UBR1: variants seen among roughly 807,000 people sequenced by gnomAD.
UBR1 encodes E3 ubiquitin-protein ligase UBR1.
Under a neutral mutation model 242.1 loss-of-function variants are expected in UBR1, and 102 were observed. That is an observed-to-expected ratio of 0.42 (90% CI 0.36 to 0.50). UBR1 has a LOEUF of 0.50. Among genes scored for constraint, UBR1 ranks in the 20% least tolerant of loss-of-function variants. The probability of loss-of-function intolerance (pLI) is 0.01; values close to 1 mark genes in which losing one functional copy is unlikely to be tolerated. For missense variants in UBR1, 1,772 were observed against 2,101.8 expected (o/e 0.84, Z 3.07); for synonymous variants, 675 against 684.8 (o/e 0.99, Z 0.22).
At chr15:43,037,988 A>C in intron 16 of UBR1, 105 bp from the exon 17 acceptor site, 1 of 1,229,222 alleles carries the variant, frequency 8.1e-7, no homozygotes, top group Non-Finnish European at 1.2e-6. Flanking sequence ...AAAATGGAAG[A>C]GCTTGAACTA....
intron 33 of UBR1, among the ~76,000 whole-genome samples, chr15:42,995,434 T>C (rs996734156): frequency 2.0e-5 from 3 of 148,442 alleles, no homozygotes; most frequent in Non-Finnish European, 1.5e-5. Context: ...CCGAGGCGGG[T>C]GGATCACAAG....
chr15:42,986,973 C>T lies in UBR1; in HGVS notation c.3997+1846G>A, dbSNP rs374769400. On this transcript the variant is annotated intron_variant, in intron 35 of 46. Coordinates refer to ENST00000290650, the MANE Select transcript of UBR1 (RefSeq NM_174916.3). ...ACTCTGACAGGGAGCAGCAGGAAGC[C>T]GCCAGCCCACTGACCCCCTGGGTAT... is the stretch of plus-strand genomic sequence containing the variant. 2.8e-4 allele frequency among the ~76,000 whole-genome samples: 42 copies of T among 152,350 alleles called. No homozygotes were observed. The East Asian group carries it at 3.1e-3, about 11-fold the overall frequency.
chr15:43,018,629 A>T (rs1001033566), intron 27 of UBR1, among the ~76,000 whole-genome samples: 14 of 152,108 alleles, frequency 9.2e-5, no homozygotes, highest in African/African-American at 3.4e-4. Flanking sequence ...GGGCTCAAGC[A>T]AGCCACCCAC....
intron 29 of UBR1, among the ~76,000 whole-genome samples, chr15:43,015,041 G>A (rs1377774577): frequency 6.6e-6 from 1 of 150,634 alleles, no homozygotes; most frequent in Non-Finnish European, 1.5e-5. Context: ...CCCCCGCCCG[G>A]CCAGCCACCC....
chr15:43,022,462 T>C (rs537969876), intron 26 of UBR1, among the ~76,000 whole-genome samples: 1 of 149,268 alleles, frequency 6.7e-6, no homozygotes, highest in East Asian at 1.9e-4. Flanking sequence ...GGGGCGATCA[T>C]GTAGTAAAAA....
chr15:42,984,378 G>A (rs1024851989), intron 36 of UBR1, among the ~76,000 whole-genome samples: 2 of 152,168 alleles, frequency 1.3e-5, no homozygotes, highest in African/African-American at 4.8e-5. Flanking sequence ...TGTCTTCACA[G>A]GGCTACTCTG....
At chr15:43,001,148 CTTTT>C (rs773312013) in intron 32 of UBR1, among the ~76,000 whole-genome samples, 1 of 131,730 alleles carries the variant, frequency 7.6e-6, no homozygotes. Flanking sequence ...TAGAGCAATT[CTTTT>C]TTTTTTTTTT....
chr15:43,088,348 T>C (rs977362355), intron 1 of UBR1, among the ~76,000 whole-genome samples: 1 of 152,172 alleles, frequency 6.6e-6, no homozygotes, highest in Non-Finnish European at 1.5e-5. Flanking sequence ...TAAAGGTATA[T>C]CCACTGTGGT....
At chr15:42,990,218 T>TGAGA in intron 33 of UBR1, 98 bp from the exon 34 acceptor site, 9 of 882,302 alleles carry the variant, frequency 1.0e-5, no homozygotes, top group Non-Finnish European at 1.5e-5. Context: ...ACAGTCTCAC[T>TGAGA]CTGTCACCCA....
intron 3 of UBR1, among the ~76,000 whole-genome samples, chr15:43,079,756 T>C (rs1297283028): frequency 2.0e-5 from 3 of 152,100 alleles, no homozygotes; most frequent in Non-Finnish European, 4.4e-5. Flanking sequence ...CACTCCAGCC[T>C]GGGCGACAAA....
intron 12 of UBR1, among the ~76,000 whole-genome samples, chr15:43,050,965 A>G (rs1274603639): frequency 6.6e-6 from 1 of 152,220 alleles, no homozygotes; most frequent in Non-Finnish European, 1.5e-5. Flanking sequence ...GAATGCTCAT[A>G]CACTGTTGGT....
At chr15:43,101,657 C>T (rs1046934210) in intron 1 of UBR1, among the ~76,000 whole-genome samples, 25 of 151,924 alleles carry the variant, frequency 1.6e-4, no homozygotes, top group African/African-American at 5.8e-4. Flanking sequence ...TGGTGAAACC[C>T]CACCTCTACT....
intron 30 of UBR1, among the ~76,000 whole-genome samples, chr15:43,004,711 C>T (rs7178752): frequency 0.55 from 83,327 of 152,004 alleles, 26,996 homozygotes; most frequent in Non-Finnish European, 0.7. Flanking sequence ...AGTGCAGTGG[C>T]GTGATCTCGG....
intron 37 of UBR1, among the ~76,000 whole-genome samples, chr15:42,978,732 C>CTT (rs530091685): frequency 6.0e-5 from 8 of 134,226 alleles, no homozygotes; most frequent in Admixed American, 7.5e-5. Context: ...CTTTTCTTTT[C>CTT]TTTTTTTTTT....
chr15:42,965,986 C>T (rs2032099385), intron 41 of UBR1, among the ~76,000 whole-genome samples, 167 bp downstream of exon 41: 1 of 152,132 alleles, frequency 6.6e-6, no homozygotes, highest in Non-Finnish European at 1.5e-5. Context: ...TACTTTTTGG[C>T]CTCACCTTTA....
At chr15:43,055,128 C>T (rs552210250) in intron 11 of UBR1, among the ~76,000 whole-genome samples, 27 of 152,294 alleles carry the variant, frequency 1.8e-4, no homozygotes, top group Admixed American at 7.8e-4. Flanking sequence ...ATACTCCAAG[C>T]CCATTAGACA....
rs749432200 is a variant in UBR1, at chr15:42,950,401, A to G, written c.5007-38T>C. ...ATCAATAGGAAATATGGTTAAGTGT[A>G]TGTGTGCAAATGATAGGCACTGCAT... On this transcript the variant is annotated intron_variant, in intron 45 of 46. Coordinates refer to ENST00000290650, the MANE Select transcript of UBR1 (RefSeq NM_174916.3). The G allele has an allele frequency of 1.2e-5, 18 of 1,563,748 alleles. No homozygotes were observed. The Admixed American group carries it at 2.2e-4, about 19-fold the overall frequency.
At chr15:43,105,874 A>C (rs1191554005) in intron 1 of UBR1, 68 bp downstream of exon 1, 4 of 1,482,078 alleles carry the variant, frequency 2.7e-6, no homozygotes, top group Middle Eastern at 1.7e-4. Context: ...GTGAAGCCCC[A>C]CATCCTCCTA....
chr15:43,082,547 T>C, intron 3 of UBR1, 91 bp downstream of exon 3: 1 of 952,840 alleles, frequency 1.0e-6, no homozygotes, highest in South Asian at 1.4e-5. Context: ...ATCAGAGCTG[T>C]TATAGCAGGA....
Sources: allele counts gnomAD v4.1 joint callset (sites outside exome capture counted in the v4.1 genomes callset), GRCh38; gene constraint gnomAD v4.1.1; transcripts MANE v1.5; gene names NCBI Gene and HGNC (gene_info 2026-07-23, HGNC 2026-07-21).